Variants in IL12B observed in about 807,000 individuals in gnomAD.
IL12B encodes interleukin-12 subunit beta.
A neutral mutation model predicts 39.2 loss-of-function variants in IL12B; 27 were observed. The observed-to-expected ratio is 0.69, with a 90% CI of 0.51 to 0.95. The LOEUF (loss-of-function observed/expected upper bound fraction) is 0.95, where lower values mean the gene tolerates loss of function less well. Ranked by LOEUF, IL12B falls within the 40% of genes least tolerant of loss-of-function variation. The probability of loss-of-function intolerance (pLI) is 0.00; values close to 1 mark genes in which losing one functional copy is unlikely to be tolerated. For missense variants in IL12B, 351 were observed against 397.6 expected (o/e 0.88, Z 1.00); for synonymous variants, 142 against 152.1 (o/e 0.93, Z 0.49).
chr5:159,320,205 T>C lies in IL12B; in HGVS notation c.697+101A>G, dbSNP rs1040927225. 16 of 967,764 alleles carry C rather than the reference T, an allele frequency of 1.7e-5. No individual in the cohort carries two copies. The African/African-American group carries it at 2.4e-4, about 14-fold the overall frequency. 59.9% of individuals were successfully genotyped at this position (967,764 alleles called of 1,614,324 possible). On this transcript the variant is annotated intron_variant, in intron 5 of 7. Transcript: ENST00000231228. ...GTTTTTGGATGCAGAATAAAAGAGA[T>C]GATGCTTGTCAACCACCTACCCCAC...
Position 159,329,421 on chromosome 5 carries a change from G to A in IL12B, c.-1+1011C>T, listed in dbSNP as rs144282544. Reference sequence around the variant, plus strand: ...GACATAATTCACGTGAAGTGTCATGGTGCCTAGATGAAGTCAGGACCCACT... The same window carrying A: ...GACATAATTCACGTGAAGTGTCATGATGCCTAGATGAAGTCAGGACCCACT... On this transcript the variant is annotated intron_variant, in intron 1 of 7. Transcript: ENST00000231228. Among the ~76,000 whole-genome samples the A allele has an allele frequency of 4.6e-4, 70 of 152,230 alleles. No homozygotes were observed. In the East Asian group the frequency reaches 0.013, roughly 29 times the overall value.
Position 159,328,152 on chromosome 5 carries a change from C to T in IL12B, c.1-1370G>A, listed in dbSNP as rs548739486. Among the ~76,000 whole-genome samples the T allele has an allele frequency of 2.0e-4, 30 of 152,264 alleles. 1 individual carries two copies. In the South Asian group the frequency reaches 6.2e-3, roughly 32 times the overall value. ...GGCGGACCTTGCTATGTACTTTATT[C>T]CCTTATAAAGTTTGTGAGTGGCAGA... On this transcript the variant is annotated intron_variant, in intron 1 of 7. Coordinates refer to ENST00000231228, the MANE Select transcript of IL12B (RefSeq NM_002187.3).
At chr5:159,330,038 G>C (rs1269889881) in intron 1 of IL12B, among the ~76,000 whole-genome samples, 1 of 152,000 alleles carries the variant, frequency 6.6e-6, no homozygotes, top group Non-Finnish European at 1.5e-5. Context: ...TGCACGAAAG[G>C]CTTTTTAAAA....
intron 4 of IL12B, among the ~76,000 whole-genome samples, chr5:159,321,957 G>A (rs1415609693): frequency 6.6e-6 from 1 of 152,088 alleles, no homozygotes; most frequent in African/African-American, 2.4e-5. Context: ...GGAAAATTTC[G>A]GGAGGCCTCA....
chr5:159,317,243 A>G (rs1754004060), intron 6 of IL12B, among the ~76,000 whole-genome samples: 1 of 152,204 alleles, frequency 6.6e-6, no homozygotes, highest in South Asian at 2.1e-4. Context: ...GTGTAACTTC[A>G]GGAAAATGTC....
intron 5 of IL12B, 146 bp from the exon 6 acceptor site, chr5:159,319,039 T>C (rs1009458305): frequency 5.3e-6 from 4 of 747,930 alleles, no homozygotes; most frequent in South Asian, 4.6e-5. Context: ...CTGGCAAATG[T>C]GAGGCACCTC....
chr5:159,329,662 G>C (rs1364872988), intron 1 of IL12B, among the ~76,000 whole-genome samples: 1 of 152,038 alleles, frequency 6.6e-6, no homozygotes, highest in East Asian at 1.9e-4. Context: ...TCAGATTCCA[G>C]TAAACTAAAC....
In IL12B at chr5:159,318,717, C is replaced by A. The variant is rs1214362082; in HGVS notation, c.855+19G>T. ...GTAAAACTGACCAAGGAATATACTG[C>A]ACCTGAATCACTTCTTACCTTTTCT... On this transcript the variant is annotated intron_variant, in intron 6 of 7. Transcript: ENST00000231228. The A allele has an allele frequency of 6.2e-7, 1 of 1,613,372 alleles. No individual in the cohort carries two copies. Among genetic ancestry groups the A allele is most frequent in the South Asian group, 1.1e-5 (1 of 91,074 alleles).
chr5:159,323,830 G>A (rs1754143681), intron 2 of IL12B, among the ~76,000 whole-genome samples: 2 of 151,332 alleles, frequency 1.3e-5, no homozygotes, highest in South Asian at 2.1e-4. Context: ...TCATTATCAT[G>A]AGCCTCAGTT....
intron 4 of IL12B, among the ~76,000 whole-genome samples, chr5:159,321,365 AT>A (rs1754088015): frequency 1.2e-5 from 1 of 83,612 alleles, no homozygotes; most frequent in South Asian, 4.9e-4. Context: ...ATATATATAT[AT>A]ACACACACAC....
At chr5:159,324,801 C>T (rs1209384258) in intron 2 of IL12B, among the ~76,000 whole-genome samples, 1 of 152,142 alleles carries the variant, frequency 6.6e-6, no homozygotes, top group Non-Finnish European at 1.5e-5. Context: ...TGGTGGTTCT[C>T]GTTATTGGCC....
chr5:159,316,772 G>C lies in IL12B; in HGVS notation c.900C>G (p.Cys300Trp). 1 of 1,614,120 alleles carries C rather than the reference G, an allele frequency of 6.2e-7. No homozygotes were observed. The highest frequency in any genetic ancestry group is 8.5e-7 in the Non-Finnish European group (1 of 1,180,012). Residue 300 changes from cysteine to tryptophan, a missense_variant, in exon 7 of 8, where the codon TGC becomes TGG. Physicochemically the swap from Cys to Trp is radical, Grantham distance 215 (BLOSUM62 -2). Coordinates refer to ENST00000231228, the MANE Select transcript of IL12B (RefSeq NM_002187.3). ...GCACGCTAATGCTGGCATTTTTGCG[G>C]CAGATGACCGTGGCTGAGGTCTTGT... ...FTDKTSATVI[C>W]RKNASISVRA...
At chr5:159,325,882 G>A (rs563727037) in intron 2 of IL12B, among the ~76,000 whole-genome samples, 52 of 152,214 alleles carry the variant, frequency 3.4e-4, no homozygotes, top group South Asian at 1.5e-3. Flanking sequence ...TACAGCCAAC[G>A]GTCAGAATGC....
intron 2 of IL12B, among the ~76,000 whole-genome samples, chr5:159,323,650 G>C (rs755180587): frequency 4.6e-5 from 7 of 152,160 alleles, no homozygotes; most frequent in Non-Finnish European, 1.0e-4. Context: ...CTTTGCCAAA[G>C]GTCTGGGGGA....
At chr5:159,322,539 T>C (rs781488589) in intron 3 of IL12B, 28 bp from the exon 4 acceptor site, 1 of 1,432,696 alleles carries the variant, frequency 7.0e-7, no homozygotes, top group Non-Finnish European at 9.9e-7. Flanking sequence ...AAAAATTCAA[T>C]ATTTAGGAGT....
chr5:159,318,831 C>T lies in IL12B; in HGVS notation c.760G>A (p.Val254Ile), dbSNP rs1222182290. 1.2e-6 allele frequency: 2 copies of T among 1,614,032 alleles called. No homozygotes were observed. Residue 254 changes from valine to isoleucine, a missense_variant, in exon 6 of 8, where the codon GTC becomes ATC. By Grantham distance (29) the Val-to-Ile change is conservative (BLOSUM62 3). Coordinates refer to ENST00000231228, the MANE Select transcript of IL12B (RefSeq NM_002187.3). ...KPLKNSRQVEVSWEYPDTWST... is the reference protein window; with the variant it reads ...KPLKNSRQVEISWEYPDTWST... ...CAGGTGTCAGGGTACTCCCAGCTGA[C>T]CTCCACCTGCCGAGAATTCTTTAAT...
intron 1 of IL12B, among the ~76,000 whole-genome samples, chr5:159,327,014 C>A (rs1443210318): frequency 6.6e-6 from 1 of 152,046 alleles, no homozygotes; most frequent in Admixed American, 6.6e-5. Context: ...AAGAACATCT[C>A]TAAATAGAGA....
chr5:159,328,429 TC>T (rs1754227623), intron 1 of IL12B, among the ~76,000 whole-genome samples: 1 of 152,216 alleles, frequency 6.6e-6, no homozygotes, highest in South Asian at 2.1e-4. Flanking sequence ...AGCCTCAGTC[TC>T]TTTGTCTATA....
At chr5:159,327,556 C>T (rs1754212824) in intron 1 of IL12B, among the ~76,000 whole-genome samples, 1 of 152,156 alleles carries the variant, frequency 6.6e-6, no homozygotes, top group Non-Finnish European at 1.5e-5. Context: ...GTCAGGATAA[C>T]CTGGAAGCAC....
Sources: gnomAD v4.1 joint callset for allele counts (sites outside exome capture counted in the v4.1 genomes callset) on GRCh38, gnomAD v4.1.1 for gene constraint, MANE v1.5 for transcripts, NCBI Gene and HGNC (gene_info 2026-07-23, HGNC 2026-07-21) for gene names.